The following PARD3 variants were observed in gnomAD, a reference collection of about 807,000 sequenced individuals.
PARD3 encodes the protein par-3 family cell polarity regulator.
In PARD3, 75 loss-of-function variants were observed where a neutral mutation model predicts 155.4. The observed-to-expected ratio is 0.48, with a 90% confidence interval of 0.40 to 0.58. The LOEUF is 0.58. Ranked by LOEUF, PARD3 falls within the 20% of genes least tolerant of loss-of-function variation. The probability of loss-of-function intolerance (pLI) is 0.00; values close to 1 mark genes in which losing one functional copy is unlikely to be tolerated. For synonymous variants in PARD3, 576 were observed against 610.5 expected (o/e 0.94, Z 0.83); for missense variants, 1,642 against 1,721.7 (o/e 0.95, Z 0.82).
chr10:34,295,521 G>C (rs776300699), intron 20 of PARD3, among the ~76,000 whole-genome samples: 2 of 152,136 alleles, frequency 1.3e-5, no homozygotes, highest in African/African-American at 4.8e-5. Flanking sequence ...AGTTCTGGGG[G>C]AAGCAGATCC....
At chr10:34,661,859 T>C (rs1234163555) in intron 2 of PARD3, among the ~76,000 whole-genome samples, 1 of 152,210 alleles carries the variant, frequency 6.6e-6, no homozygotes, top group African/African-American at 2.4e-5. Context: ...GTGGGGCATT[T>C]TATCCAATCA....
At position 34,195,676 on chromosome 10, in the gene PARD3, G is replaced by T. The variant is rs562204826; in HGVS notation, c.3420-64093C>A. Among the ~76,000 whole-genome samples, 12 of 152,322 alleles carry T rather than the reference G, an allele frequency of 7.9e-5. No individual in the cohort carries two copies. In the South Asian group the frequency reaches 2.3e-3, roughly 29 times the overall value. ...TCACATGTTCCGAGAAGAATGAGAA[G>T]GGACAGAAGGTGACATAGAGGCAAC... On this transcript the variant is annotated intron_variant, in intron 22 of 24. Coordinates refer to ENST00000374788, the MANE Select transcript of PARD3 (RefSeq NM_001184785.2).
At chr10:34,199,927 G>A (rs949526180) in intron 22 of PARD3, among the ~76,000 whole-genome samples, 2 of 152,230 alleles carry the variant, frequency 1.3e-5, no homozygotes, top group Middle Eastern at 3.4e-3. Context: ...CATGAAAAAC[G>A]GTTTAGTGAT....
chr10:34,338,687 T>A (rs1248232145), intron 16 of PARD3, among the ~76,000 whole-genome samples: 1 of 152,194 alleles, frequency 6.6e-6, no homozygotes, highest in Non-Finnish European at 1.5e-5. Flanking sequence ...TTACTGTGCA[T>A]GAAATGAGAG....
intron 1 of PARD3, among the ~76,000 whole-genome samples, chr10:34,720,491 C>G (rs1204954967): frequency 6.9e-6 from 1 of 144,036 alleles, no homozygotes; most frequent in African/African-American, 2.6e-5. Flanking sequence ...GAAATAATGC[C>G]ACTGTGTACT....
chr10:34,380,756 A>G (rs976956750), intron 9 of PARD3, among the ~76,000 whole-genome samples: 1 of 152,210 alleles, frequency 6.6e-6, no homozygotes, highest in Non-Finnish European at 1.5e-5. Flanking sequence ...AACTAAATGA[A>G]TATTGCTGTA....
intron 13 of PARD3, among the ~76,000 whole-genome samples, chr10:34,359,546 CAT>C (rs1388997697): frequency 6.6e-6 from 1 of 152,102 alleles, no homozygotes. Context: ...AAGTCATTAT[CAT>C]AATCTGTTTA....
At chr10:34,234,844 C>G (rs1953130971) in intron 22 of PARD3, among the ~76,000 whole-genome samples, 1 of 152,130 alleles carries the variant, frequency 6.6e-6, no homozygotes, top group Non-Finnish European at 1.5e-5. Context: ...GAATGACTTT[C>G]AAATACCACA....
At chr10:34,524,221 C>T (rs2082330119) in intron 2 of PARD3, among the ~76,000 whole-genome samples, 2 of 152,172 alleles carry the variant, frequency 1.3e-5, no homozygotes, top group African/African-American at 2.4e-5. Flanking sequence ...AGAACATTCC[C>T]GCTGCTTCCT....
At chr10:34,172,101 T>C (rs1949825033) in intron 22 of PARD3, among the ~76,000 whole-genome samples, 1 of 152,162 alleles carries the variant, frequency 6.6e-6, no homozygotes, top group Admixed American at 6.5e-5. Context: ...GAGATTTTTT[T>C]GGACAGGCAA....
At chr10:34,406,674 T>G (rs1844511315) in intron 5 of PARD3, among the ~76,000 whole-genome samples, 1 of 152,092 alleles carries the variant, frequency 6.6e-6, no homozygotes, top group Admixed American at 6.6e-5. Context: ...ACTACAAGTT[T>G]GCACCTCCTC....
intron 2 of PARD3, among the ~76,000 whole-genome samples, chr10:34,572,778 C>T (rs982248442): frequency 2.8e-4 from 42 of 151,642 alleles, no homozygotes; most frequent in African/African-American, 8.9e-4. Context: ...TCATCTCTTA[C>T]GCAGGCCATA....
intron 20 of PARD3, among the ~76,000 whole-genome samples, chr10:34,314,193 G>GA (rs34617785): frequency 4.8e-4 from 69 of 143,544 alleles, no homozygotes; most frequent in East Asian, 4.0e-3. Context: ...GTTGTTAGGA[G>GA]AAAAAAAAAA....
At chr10:34,443,161 G>A (rs1039388382) in intron 5 of PARD3, among the ~76,000 whole-genome samples, 2 of 152,020 alleles carry the variant, frequency 1.3e-5, no homozygotes, top group South Asian at 2.1e-4. Flanking sequence ...CAAAACTTGC[G>A]TCCACAATTA....
At chr10:34,253,080 A>C (rs1305282677) in intron 22 of PARD3, among the ~76,000 whole-genome samples, 2 of 152,226 alleles carry the variant, frequency 1.3e-5, no homozygotes. Flanking sequence ...TGGTCTTTAC[A>C]AGAAACTGTG....
chr10:34,344,852 C>A (rs1226805446), intron 15 of PARD3: 2 of 985,324 alleles, frequency 2.0e-6, no homozygotes, highest in South Asian at 9.4e-5. Flanking sequence ...AACATGCATC[C>A]AAATTTTGGT....
intron 2 of PARD3, among the ~76,000 whole-genome samples, chr10:34,613,964 CA>C (rs2132646367): frequency 6.6e-6 from 1 of 152,240 alleles, no homozygotes; most frequent in East Asian, 1.9e-4. Context: ...CTATAGCAAA[CA>C]TTAAGAATGT....
At chr10:34,743,327 A>G (rs1239125853) in intron 1 of PARD3, among the ~76,000 whole-genome samples, 1 of 152,196 alleles carries the variant, frequency 6.6e-6, no homozygotes, top group African/African-American at 2.4e-5. Context: ...CACTGCTCCC[A>G]ACCAATGACC....
intron 22 of PARD3, among the ~76,000 whole-genome samples, chr10:34,230,991 C>T (rs918456500): frequency 5.9e-5 from 9 of 151,960 alleles, no homozygotes; most frequent in African/African-American, 2.2e-4. Flanking sequence ...GCACCACTAG[C>T]ATTCCAGCCT....
Sources: gnomAD v4.1 joint callset for allele counts (sites outside exome capture counted in the v4.1 genomes callset) on GRCh38, gnomAD v4.1.1 for gene constraint, MANE v1.5 for transcripts, NCBI Gene and HGNC (gene_info 2026-07-23, HGNC 2026-07-21) for gene names.